PITPNM3: variants seen among roughly 807,000 people sequenced by gnomAD.
The protein encoded by PITPNM3 is PITPNM family member 3.
A neutral mutation model predicts 102.0 loss-of-function variants in PITPNM3; 26 were observed. That is an observed-to-expected ratio of 0.25 (90% CI 0.19 to 0.35). PITPNM3 has a LOEUF of 0.35. Ranked by LOEUF, PITPNM3 falls within the 10% of genes least tolerant of loss-of-function variation. The pLI is 1.00. For missense variants in PITPNM3, 1,083 were observed against 1,346.1 expected (o/e 0.80, Z 3.06); for synonymous variants, 578 against 558.6 (o/e 1.03, Z -0.49).
Position 6,537,148 on chromosome 17 carries a change from T to G in PITPNM3, c.118+839A>C, listed in dbSNP as rs565629786. Reference sequence around the variant, plus strand: ...GTCTCATGGGTTGGCCGGGAAGAGATGCAGAGGTCATTTCCCCACCCTCCT... The same window carrying G: ...GTCTCATGGGTTGGCCGGGAAGAGAGGCAGAGGTCATTTCCCCACCCTCCT... On this transcript the variant is annotated intron_variant, in intron 2 of 19. Transcript: ENST00000262483. This position sits in a 1 kb window ranked among gnomAD's most constrained non-coding sequence, Gnocchi z 4.4. Among the ~76,000 whole-genome samples, 39 of 152,236 alleles carry G rather than the reference T, an allele frequency of 2.6e-4. No homozygotes were observed. The highest frequency in any genetic ancestry group is 2.1e-4 in the Non-Finnish European group (14 of 68,004).
chr17:6,473,976 C>CAAAAA (rs56728914), intron 10 of PITPNM3, among the ~76,000 whole-genome samples: 1 of 96,076 alleles, frequency 1.0e-5, no homozygotes, highest in Non-Finnish European at 2.0e-5. Flanking sequence ...GACTCCATCT[C>CAAAAA]AAAAAAAAAA....
intron 2 of PITPNM3, among the ~76,000 whole-genome samples, chr17:6,526,632 T>C (rs1908851565): frequency 6.6e-6 from 1 of 152,248 alleles, no homozygotes; most frequent in South Asian, 2.1e-4. Flanking sequence ...TCCTGTCTTA[T>C]TTTATGTATC....
chr17:6,453,001 T>TCTCTCTCTCTCTCTCTCTCTGCC lies in PITPNM3; in HGVS notation c.*2336_*2337insGGCAGAGAGAGAGAGAGAGAGAG, dbSNP rs1567654984. 7 of 47,234 alleles carry TCTCTCTCTCTCTCTCTCTCTGCC rather than the reference T, an allele frequency of 1.5e-4. No individual in the cohort carries two copies. The highest frequency in any genetic ancestry group is 4.4e-4 in the African/African-American group (7 of 16,018). The allele number at this position is 47,234 out of a possible 1,614,324, so 2.9% of individuals were successfully genotyped here. ...TCCTCTCTCTCTCTCTCTGTCTTCCTTTCTCTCTCTCTCTCTCTCTCTGCC... is the reference window on the plus strand; with the variant it reads ...TCCTCTCTCTCTCTCTCTGTCTTCCTCTCTCTCTCTCTCTCTCTCTGCCTTCTCTCTCTCTCTCTCTCTCTGCC... On this transcript the variant is annotated 3_prime_UTR_variant, in exon 20 of 20. Transcript: ENST00000262483.
At chr17:6,514,421 C>T (rs1447176259) in intron 3 of PITPNM3, among the ~76,000 whole-genome samples, 1 of 151,808 alleles carries the variant, frequency 6.6e-6, no homozygotes, top group Non-Finnish European at 1.5e-5. Flanking sequence ...AAAAAGACAA[C>T]CCAAATTTTA....
Position 6,468,489 on chromosome 17 carries a change from G to A in PITPNM3, c.1774-148C>T. The stretch of plus-strand genomic sequence containing the variant: ...AGCCTGGAACCGTCAGGAGGCCGCA[G>A]ACCCCGGGACCTGCATTCCTGTCCT... On this transcript the variant is annotated intron_variant, in intron 13 of 19. Transcript: ENST00000262483. This position sits in a 1 kb window ranked among gnomAD's most constrained non-coding sequence, Gnocchi z 5.2. 2.6e-6 allele frequency: 2 copies of A among 779,682 alleles called. No individual in the cohort carries two copies. The highest frequency in any genetic ancestry group is 4.4e-6 in the Non-Finnish European group (2 of 449,810). The allele number at this position is 779,682 out of a possible 1,614,324, so 48.3% of individuals were successfully genotyped here.
At chr17:6,551,298 C>T (rs543675512) in intron 1 of PITPNM3, among the ~76,000 whole-genome samples, 35 of 151,208 alleles carry the variant, frequency 2.3e-4, no homozygotes, top group African/African-American at 6.1e-4. Context: ...TGGAGCTTGC[C>T]GTGAGCTGAG....
At chr17:6,511,727 T>G (rs1907874136) in intron 3 of PITPNM3, among the ~76,000 whole-genome samples, 1 of 152,036 alleles carries the variant, frequency 6.6e-6, no homozygotes, top group African/African-American at 2.4e-5. Context: ...CTCACGCCTG[T>G]AGTCCCAGCA....
intron 1 of PITPNM3, among the ~76,000 whole-genome samples, chr17:6,539,587 A>G (rs528823235): frequency 6.6e-6 from 1 of 152,310 alleles, no homozygotes; most frequent in East Asian, 1.9e-4. Context: ...GAAAATGATA[A>G]CGCCCTTTAA....
At chr17:6,490,018 T>A (rs889592074) in intron 4 of PITPNM3, among the ~76,000 whole-genome samples, 15 of 150,364 alleles carry the variant, frequency 1.0e-4, no homozygotes, top group African/African-American at 3.2e-4. Flanking sequence ...AAAAAAAAAA[T>A]AAAAAGACAT....
intron 2 of PITPNM3, among the ~76,000 whole-genome samples, chr17:6,529,592 CAAA>C (rs67428345): frequency 2.1e-5 from 3 of 142,176 alleles, no homozygotes; most frequent in Non-Finnish European, 3.1e-5. Context: ...GACTCCATCT[CAAA>C]AAAAAAAAAA....
chr17:6,478,872 G>A lies in PITPNM3; in HGVS notation c.588-136C>T. On this transcript the variant is annotated intron_variant, in intron 6 of 19. Transcript: ENST00000262483. This position sits in a 1 kb window ranked among gnomAD's most constrained non-coding sequence, Gnocchi z 4.4. ...GGACCCTTCAGGAAGACCCAGGCAG[G>A]AGCCTGGTGACACAGAGCACAGGCA... 1 of 829,746 alleles carries A rather than the reference G, an allele frequency of 1.2e-6. No individual in the cohort carries two copies. The highest frequency in any genetic ancestry group is 1.8e-6 in the Non-Finnish European group (1 of 541,572). The allele number at this position is 829,746 out of a possible 1,614,324, so 51.4% of individuals were successfully genotyped here.
chr17:6,457,703 G>A lies in PITPNM3; in HGVS notation c.2510C>T (p.Ala837Val), dbSNP rs756226356. The change falls in exon 19 of 20, where the codon GCG becomes GTG. Residue 837 changes from alanine (A) to valine (V), a missense_variant. Physicochemically the swap from Ala to Val is moderately conservative, Grantham distance 64 (BLOSUM62 0). Around this residue, in one of 5 missense-constraint regions of PITPNM3, gnomAD observed 410 missense variants for 638.4 expected, o/e 0.64. Transcript: ENST00000262483. The surrounding 1 kb of genome is among the most constrained non-coding windows in gnomAD (Gnocchi z 4.7). ...LMQECFIKIS[A>V]AYGSTKDISV... is the part of the protein sequence containing the mutation. The stretch of plus-strand genomic sequence containing the variant: ...GATGTCCTTCGTGGAGCCATAGGCC[G>A]CACTGATTTTGATGAAGCACTGAAA... The A allele has an allele frequency of 1.1e-5, 18 of 1,592,592 alleles. No individual in the cohort carries two copies. Among genetic ancestry groups the A allele is most frequent in the East Asian group, 9.1e-5 (4 of 44,090 alleles).
chr17:6,490,169 T>C (rs1217987766), intron 4 of PITPNM3, among the ~76,000 whole-genome samples: 1 of 152,078 alleles, frequency 6.6e-6, no homozygotes, highest in Non-Finnish European at 1.5e-5. Context: ...CAGTAGCACC[T>C]GGGGGACTCA....
At chr17:6,528,778 G>A (rs745728402) in intron 2 of PITPNM3, among the ~76,000 whole-genome samples, 1 of 150,990 alleles carries the variant, frequency 6.6e-6, no homozygotes, top group Non-Finnish European at 1.5e-5. Flanking sequence ...GCAACAATTG[G>A]CTTGTCCCCT....
chr17:6,506,213 A>C (rs1282214311), intron 3 of PITPNM3, among the ~76,000 whole-genome samples: 1 of 152,138 alleles, frequency 6.6e-6, no homozygotes, highest in Non-Finnish European at 1.5e-5. Context: ...CTCATGCAAA[A>C]AGGAAATGCC....
At chr17:6,479,066 G>A (rs1905503376) in intron 6 of PITPNM3, 1 of 338,954 alleles carries the variant, frequency 3.0e-6, no homozygotes, top group Non-Finnish European at 5.5e-6. Context: ...AGTCAGCTGA[G>A]GACCCAGCTA....
intron 11 of PITPNM3, among the ~76,000 whole-genome samples, chr17:6,471,626 C>A (rs1905081721): frequency 6.6e-6 from 1 of 152,222 alleles, no homozygotes; most frequent in East Asian, 1.9e-4. Context: ...TCCCAGCCAT[C>A]ACCCCTACCT....
chr17:6,461,809 C>A (rs1309527189), intron 17 of PITPNM3, among the ~76,000 whole-genome samples: 2 of 152,192 alleles, frequency 1.3e-5, no homozygotes, highest in Non-Finnish European at 1.5e-5. Context: ...CTCACAGCCA[C>A]TTCAGAGTCA....
intron 1 of PITPNM3, among the ~76,000 whole-genome samples, chr17:6,543,163 G>A (rs904705840): frequency 1.3e-5 from 2 of 152,198 alleles, no homozygotes; most frequent in African/African-American, 4.8e-5. Context: ...CGCTCAGTGG[G>A]AGGGGCTGCT....
Sources: allele counts gnomAD v4.1 joint callset (sites outside exome capture counted in the v4.1 genomes callset), GRCh38; gene constraint gnomAD v4.1.1; regional missense constraint gnomAD v4.1.1; non-coding constraint Gnocchi (gnomAD v3.1); transcripts MANE v1.5; gene names NCBI Gene and HGNC (gene_info 2026-07-23, HGNC 2026-07-21).